LNP1: variants seen among roughly 807,000 people sequenced by gnomAD.
LNP1 encodes the protein leukemia NUP98 fusion partner 1.
Under a neutral mutation model 14.5 loss-of-function variants are expected in LNP1, and 12 were observed. The observed-to-expected ratio is 0.83, with a 90% confidence interval of 0.53 to 1.34. The LOEUF (loss-of-function observed/expected upper bound fraction) is 1.34. LNP1 is among the 40% of genes most tolerant of loss of function. The pLI is 0.00. For missense variants in LNP1, 198 were observed against 210.9 expected (o/e 0.94, Z 0.38); for synonymous variants, 75 against 71.4 (o/e 1.05, Z -0.26).
chr3:100,414,392 C>T (rs1487896121), intron 1 of LNP1, among the ~76,000 whole-genome samples: 1 of 151,906 alleles, frequency 6.6e-6, no homozygotes, highest in Non-Finnish European at 1.5e-5. Context: ...ACTAAAAATA[C>T]AAAAATTAGC....
At chr3:100,453,475 C>T (rs1707479483) in intron 3 of LNP1, among the ~76,000 whole-genome samples, 1 of 150,092 alleles carries the variant, frequency 6.7e-6, no homozygotes, top group African/African-American at 2.5e-5. Flanking sequence ...CTGTATTCCT[C>T]ACTGCTTGGG....
chr3:100,425,913 C>A (rs553798447), intron 1 of LNP1, among the ~76,000 whole-genome samples: 1 of 152,278 alleles, frequency 6.6e-6, no homozygotes, highest in South Asian at 2.1e-4. Context: ...AACTGCCTAA[C>A]TAAGAAGAGA....
In LNP1 at chr3:100,416,000, T is replaced by C. The variant is rs977360187; in HGVS notation, c.-34+13561T>C. ...TCTTGCCCATTAGCAAAAATTGATA[T>C]GTTTTCTAAGTTTCTTGTAATCTAT... On this transcript the variant is annotated intron_variant, in intron 1 of 3. Transcript: ENST00000383693. Among the ~76,000 whole-genome samples, 5 of 152,318 alleles carry C rather than the reference T, an allele frequency of 3.3e-5. No homozygotes were observed. In the East Asian group the frequency reaches 7.7e-4, roughly 23 times the overall value.
At chr3:100,409,600 A>G (rs1255836080) in intron 1 of LNP1, among the ~76,000 whole-genome samples, 1 of 101,568 alleles carries the variant, frequency 9.8e-6, no homozygotes, top group Non-Finnish European at 1.8e-5. Flanking sequence ...ACATATATAT[A>G]TATATATTTT....
chr3:100,451,408 C>T (rs1430664021), intron 2 of LNP1, among the ~76,000 whole-genome samples: 2 of 152,110 alleles, frequency 1.3e-5, no homozygotes, highest in African/African-American at 2.4e-5. Flanking sequence ...TGGTTGCATT[C>T]TTTTGAGTTT....
intron 1 of LNP1, among the ~76,000 whole-genome samples, chr3:100,413,944 A>G (rs1559840158): frequency 1.3e-5 from 2 of 152,060 alleles, no homozygotes; most frequent in African/African-American, 4.8e-5. Flanking sequence ...TCTTTCTGCC[A>G]TTTTTTCCCG....
At chr3:100,441,623 T>G (rs1707344536) in intron 2 of LNP1, among the ~76,000 whole-genome samples, 1 of 107,758 alleles carries the variant, frequency 9.3e-6, no homozygotes, top group Admixed American at 9.7e-5. Context: ...TGATACGCAT[T>G]AGCTTTAAAT....
intron 2 of LNP1, among the ~76,000 whole-genome samples, chr3:100,436,110 GA>G (rs1707291470): frequency 6.6e-6 from 1 of 152,168 alleles, no homozygotes; most frequent in South Asian, 2.1e-4. Flanking sequence ...TTAGCTGTTA[GA>G]GGAAAAGAAA....
chr3:100,423,767 G>A (rs768041851), intron 1 of LNP1, among the ~76,000 whole-genome samples: 28 of 152,052 alleles, frequency 1.8e-4, no homozygotes, highest in Non-Finnish European at 3.7e-4. Context: ...TGCAGCTGTC[G>A]CAGTCACTTG....
intron 2 of LNP1, among the ~76,000 whole-genome samples, chr3:100,448,130 C>T (rs1233020952): frequency 1.6e-4 from 25 of 152,176 alleles, no homozygotes; most frequent in East Asian, 9.7e-4. Flanking sequence ...CATCATTTAA[C>T]GTTATGGAAC....
rs142737838 is a variant in LNP1, at chr3:100,443,547, T to G, written c.157-8172T>G. On this transcript the variant is annotated intron_variant, in intron 2 of 3. Coordinates refer to ENST00000383693, the MANE Select transcript of LNP1 (RefSeq NM_001085451.2). ...GCTGAGTTGGGCGATCCTCTCCTCT[T>G]GAGGTTCTAAGATAAAACCTGAGGC... 1.1e-3 allele frequency among the ~76,000 whole-genome samples: 167 copies of G among 152,332 alleles called. 1 individual carries two copies. In the East Asian group the frequency reaches 0.025, roughly 23 times the overall value.
chr3:100,432,754 G>A (rs1707254363), intron 2 of LNP1, among the ~76,000 whole-genome samples: 1 of 152,158 alleles, frequency 6.6e-6, no homozygotes, highest in Non-Finnish European at 1.5e-5. Flanking sequence ...TTTATTCTAT[G>A]GAAGTGCATT....
intron 2 of LNP1, among the ~76,000 whole-genome samples, chr3:100,431,876 T>A (rs946210715): frequency 1.4e-5 from 2 of 146,736 alleles, no homozygotes; most frequent in African/African-American, 5.0e-5. Context: ...GCTTCCATAG[T>A]CCCAGCTACT....
At chr3:100,446,181 ACTACCTGACTTC>A (rs1707385090) in intron 2 of LNP1, among the ~76,000 whole-genome samples, 1 of 152,200 alleles carries the variant, frequency 6.6e-6, no homozygotes, top group African/African-American at 2.4e-5. Context: ...GAGGCATCAC[ACTACCTGACTTC>A]AAACTATACT....
At chr3:100,416,096 G>A (rs1444182809) in intron 1 of LNP1, among the ~76,000 whole-genome samples, 1 of 152,176 alleles carries the variant, frequency 6.6e-6, no homozygotes, top group African/African-American at 2.4e-5. Context: ...GGCAGATAAT[G>A]TCTGATTGTC....
chr3:100,421,282 C>G (rs535681418), intron 1 of LNP1, among the ~76,000 whole-genome samples: 1 of 152,330 alleles, frequency 6.6e-6, no homozygotes, highest in Non-Finnish European at 1.5e-5. Context: ...TTTCTTGATT[C>G]TCTTGCTGGG....
chr3:100,451,897 C>T lies in LNP1; in HGVS notation c.335C>T (p.Ser112Leu), dbSNP rs375899921. ...TCCCATTCCAAAATTGAGAAATTTT[C>T]AGAGTCCTTTGAACGGCAACTGTGC... ...GRSHSKIEKFSESFERQLCFR... is the reference protein window; with the variant it reads ...GRSHSKIEKFLESFERQLCFR... The change falls in exon 3 of 4, where the codon TCA (serine) becomes TTA (leucine). Residue 112 changes from serine (S) to leucine (L), a missense_variant. Coordinates refer to ENST00000383693, the MANE Select transcript of LNP1 (RefSeq NM_001085451.2). The T allele has an allele frequency of 1.9e-5, 30 of 1,613,954 alleles. No individual in the cohort carries two copies. The African/African-American group carries it at 3.3e-4, about 18-fold the overall frequency.
intron 2 of LNP1, among the ~76,000 whole-genome samples, chr3:100,431,828 CA>C (rs761853159): frequency 0.064 from 4,166 of 65,312 alleles, 148 homozygotes; most frequent in African/African-American, 0.16. Flanking sequence ...CTCCGTCTCT[CA>C]AAAAAAAAAA....
chr3:100,409,606 A>G (rs376850253), intron 1 of LNP1, among the ~76,000 whole-genome samples: 5,642 of 124,174 alleles, frequency 0.045, 383 homozygotes, highest in African/African-American at 0.15. Context: ...ATATATATAT[A>G]TTTTTTTTTT....
Sources: gnomAD v4.1 joint callset for allele counts (sites outside exome capture counted in the v4.1 genomes callset) on GRCh38, gnomAD v4.1.1 for gene constraint, MANE v1.5 for transcripts, NCBI Gene and HGNC (gene_info 2026-07-23, HGNC 2026-07-21) for gene names.